Variants in MSH4 observed in about 807,000 individuals in gnomAD.
MSH4 encodes mutS homolog 4, also known as mutS protein homolog 4.
A neutral mutation model predicts 113.7 loss-of-function variants in MSH4; 106 were observed. The observed-to-expected ratio is 0.93, with a 90% CI of 0.80 to 1.10. The LOEUF (loss-of-function observed/expected upper bound fraction) is 1.10, where lower values mean the gene tolerates loss of function less well. MSH4 is among the 50% of genes least tolerant of loss of function. The pLI is 0.00. For missense variants in MSH4, 1,061 were observed against 1,093.7 expected (o/e 0.97, Z 0.42); for synonymous variants, 368 against 380.2 (o/e 0.97, Z 0.37).
At chr1:75,903,184 C>T (rs1652547788) in intron 19 of MSH4, among the ~76,000 whole-genome samples, 1 of 152,046 alleles carries the variant, frequency 6.6e-6, no homozygotes, top group South Asian at 2.1e-4. Context: ...TCAGGTCTTA[C>T]ATTTAAGTCT....
At chr1:75,856,807 A>G (rs1275904644) in intron 8 of MSH4, among the ~76,000 whole-genome samples, 1 of 152,204 alleles carries the variant, frequency 6.6e-6, no homozygotes, top group African/African-American at 2.4e-5. Flanking sequence ...ATGCCCAGTA[A>G]TGGGATTGCT....
chr1:75,837,867 C>T (rs1191264550), intron 7 of MSH4, among the ~76,000 whole-genome samples: 1 of 152,154 alleles, frequency 6.6e-6, no homozygotes, highest in Non-Finnish European at 1.5e-5. Context: ...TCTTCTATCC[C>T]CATGGCTGCC....
intron 8 of MSH4, among the ~76,000 whole-genome samples, chr1:75,857,100 C>G (rs1331941809): frequency 2.6e-5 from 4 of 152,090 alleles, no homozygotes; most frequent in Non-Finnish European, 5.9e-5. Flanking sequence ...TGAGAATTGT[C>G]TGTTCATATC....
intron 15 of MSH4, among the ~76,000 whole-genome samples, chr1:75,887,738 C>T (rs1652158432): frequency 6.6e-6 from 1 of 152,106 alleles, no homozygotes. Flanking sequence ...ATTGTCCCCA[C>T]CCTTCTCCAG....
intron 7 of MSH4, among the ~76,000 whole-genome samples, chr1:75,830,620 A>T (rs573631665): frequency 6.6e-6 from 1 of 152,226 alleles, no homozygotes; most frequent in Non-Finnish European, 1.5e-5. Context: ...GCCAGAAGAG[A>T]GTGGAGGCCA....
At chr1:75,882,677 A>ATT (rs1557522111) in intron 14 of MSH4, among the ~76,000 whole-genome samples, 3 of 150,798 alleles carry the variant, frequency 2.0e-5, no homozygotes, top group African/African-American at 4.9e-5. Flanking sequence ...AAAAAAAAAA[A>ATT]AAAAAAAAAA....
At chr1:75,906,824 C>T (rs1479009490) in intron 19 of MSH4, among the ~76,000 whole-genome samples, 5 of 148,408 alleles carry the variant, frequency 3.4e-5, no homozygotes, top group East Asian at 4.1e-4. Flanking sequence ...TTTTCATAAA[C>T]GTGTCTTTTT....
Position 75,898,023 on chromosome 1 carries a change from A to G in MSH4, c.2472A>G (p.Lys824=), listed in dbSNP as rs772060014. The G allele has an allele frequency of 6.2e-7, 1 of 1,606,964 alleles. No individual in the cohort carries two copies. The highest frequency in any genetic ancestry group is 8.5e-7 in the Non-Finnish European group (1 of 1,176,588). The part of the protein sequence containing the change: ...VQHVKNTSRN[K]EAILYTYKLS... ...ATGTAAAGAATACCTCAAGAAATAA[A>G]GAAGCAATTTTGTATACCTACAAAC... Residue 824 remains lysine, a synonymous_variant, in exon 18 of 20, where the codon AAA becomes AAG. Transcript: ENST00000263187.
At chr1:75,849,813 C>T (rs1388551780) in intron 8 of MSH4, among the ~76,000 whole-genome samples, 4 of 152,054 alleles carry the variant, frequency 2.6e-5, no homozygotes, top group Non-Finnish European at 4.4e-5. Context: ...GCCATTAAAG[C>T]CTGGAATTTT....
At chr1:75,884,605 T>C (rs5745494) in intron 15 of MSH4, among the ~76,000 whole-genome samples, 146,399 of 152,026 alleles carry the variant, frequency 0.96, 70,737 homozygotes, top group East Asian at 1. Context: ...GAACAGCTCT[T>C]CCTCTCCACG....
At chr1:75,805,410 C>T (rs1341771864) in intron 2 of MSH4, among the ~76,000 whole-genome samples, 5 of 135,366 alleles carry the variant, frequency 3.7e-5, no homozygotes, top group East Asian at 2.2e-4. Flanking sequence ...GTTTTTGAGA[C>T]GAAGCCTTGT....
chr1:75,886,589 AAT>A (rs1652122139), intron 15 of MSH4, among the ~76,000 whole-genome samples: 1 of 124,232 alleles, frequency 8.0e-6, no homozygotes, highest in African/African-American at 3.2e-5. Context: ...TATAATATAT[AAT>A]GTATTATATA....
rs1025407603 is a variant in MSH4 at position 75,825,438 on chromosome 1, A to G, written c.1162+2857A>G. Among the ~76,000 whole-genome samples the G allele has an allele frequency of 5.3e-5, 8 of 152,158 alleles. No individual in the cohort carries two copies. The South Asian group carries it at 6.2e-4, about 12-fold the overall frequency. Reference sequence around the variant, plus strand: ...AGACAATTTGACTTTCTCTCTTCCTATATGAATACCCTTTATTTCTTTCTC... The same window carrying G: ...AGACAATTTGACTTTCTCTCTTCCTGTATGAATACCCTTTATTTCTTTCTC... On this transcript the variant is annotated intron_variant, in intron 7 of 19. Coordinates refer to ENST00000263187, the MANE Select transcript of MSH4 (RefSeq NM_002440.4).
chr1:75,878,253 C>T lies in MSH4; in HGVS notation c.1475C>T (p.Ser492Phe). Residue 492 changes from serine to phenylalanine, a missense_variant, in exon 11 of 20, where the codon TCT (serine) becomes TTT (phenylalanine). Transcript: ENST00000263187. Reference sequence around the variant, plus strand: ...ACTCAGAAGTGCTATGCAGTGAGGTCTAACATAAATGAATTTCTTGACATA... The same window carrying T: ...ACTCAGAAGTGCTATGCAGTGAGGTTTAACATAAATGAATTTCTTGACATA... ...MRTQKCYAVR[S>F]NINEFLDIAR... The T allele has an allele frequency of 6.2e-7, 1 of 1,608,948 alleles. No individual in the cohort carries two copies.
chr1:75,892,439 G>A (rs1652276856), intron 17 of MSH4, among the ~76,000 whole-genome samples: 1 of 150,790 alleles, frequency 6.6e-6, no homozygotes, highest in African/African-American at 2.4e-5. Context: ...CTCTCTATTG[G>A]TCCTCTTTCT....
chr1:75,845,497 C>T (rs1651057113), intron 7 of MSH4, among the ~76,000 whole-genome samples: 2 of 152,166 alleles, frequency 1.3e-5, no homozygotes, highest in South Asian at 2.1e-4. Flanking sequence ...CAGTTCAAAC[C>T]TCACAAGGAA....
At chr1:75,902,524 G>A (rs75412928) in intron 19 of MSH4, among the ~76,000 whole-genome samples, 1 of 151,370 alleles carries the variant, frequency 6.6e-6, no homozygotes, top group South Asian at 2.1e-4. Context: ...GTTGTGTAAA[G>A]GACATGATTT....
chr1:75,815,156 ATTTT>A lies in MSH4; in HGVS notation c.815+24_815+27del. On this transcript the variant is annotated intron_variant, in intron 5 of 19. Transcript: ENST00000263187. ...GTCCAAGTAAGTTATATATTTATTTATTTTTTTACTAGCCCACAGCTACCAATAT... is the reference window on the plus strand; with the variant it reads ...GTCCAAGTAAGTTATATATTTATTTATTTACTAGCCCACAGCTACCAATAT... 1 of 1,295,124 alleles carries A rather than the reference ATTTT, an allele frequency of 7.7e-7. No individual in the cohort carries two copies. The highest frequency in any genetic ancestry group is 1.1e-6 in the Non-Finnish European group (1 of 939,346). The allele number at this position is 1,295,124 out of a possible 1,614,324, so 80.2% of individuals were successfully genotyped here.
chr1:75,875,722 G>A (rs1283331776), intron 9 of MSH4, among the ~76,000 whole-genome samples: 1 of 152,072 alleles, frequency 6.6e-6, no homozygotes, highest in African/African-American at 2.4e-5. Context: ...TCATTTAAGA[G>A]CTGATGCAGG....
Sources: allele counts gnomAD v4.1 joint callset (sites outside exome capture counted in the v4.1 genomes callset), GRCh38; gene constraint gnomAD v4.1.1; transcripts MANE v1.5; gene names NCBI Gene and HGNC (gene_info 2026-07-23, HGNC 2026-07-21).